The following NPLOC4 variants were observed in gnomAD, a reference collection of about 807,000 sequenced individuals.
NPLOC4 encodes nuclear protein localization protein 4 homolog.
A neutral mutation model predicts 80.6 loss-of-function variants in NPLOC4; 18 were observed. The observed-to-expected ratio is 0.22, with a 90% CI of 0.15 to 0.33. The LOEUF (loss-of-function observed/expected upper bound fraction) is 0.33, where lower values mean the gene tolerates loss of function less well. Ranked by LOEUF, NPLOC4 falls within the 10% of genes least tolerant of loss-of-function variation. The probability of loss-of-function intolerance (pLI) is 1.00; values close to 1 mark genes in which losing one functional copy is unlikely to be tolerated. For synonymous variants in NPLOC4, 313 were observed against 301.5 expected, an observed-to-expected ratio of 1.04 and a Z score of -0.39; for missense variants, 540 against 786.1, an observed-to-expected ratio of 0.69 and a Z score of 3.74.
rs1489161843 is a variant in NPLOC4, at chr17:81,606,733, G to A, written c.612C>T (p.Ile204=). The change falls in exon 7 of 17, where the codon ATC becomes ATT. Residue 204 remains isoleucine (I), a synonymous_variant. Coordinates refer to ENST00000331134, the MANE Select transcript of NPLOC4 (RefSeq NM_017921.4). ...TGGCGCTCGGCTGGCACTTAGTACAGATGCCATTCGGCCACGGGAGGTGCC... is the reference window on the plus strand; with the variant it reads ...TGGCGCTCGGCTGGCACTTAGTACAAATGCCATTCGGCCACGGGAGGTGCC... ...CEGHLPWPNG[I]CTKCQPSAIT... is the part of the protein sequence containing the mutation. The A allele has an allele frequency of 6.2e-7, 1 of 1,613,820 alleles. No individual in the cohort carries two copies. Among genetic ancestry groups the A allele is most frequent in the Admixed American group, 1.7e-5 (1 of 60,010 alleles).
chr17:81,574,698 C>T (rs1430008438), intron 12 of NPLOC4, among the ~76,000 whole-genome samples: 1 of 152,126 alleles, frequency 6.6e-6, no homozygotes, highest in African/African-American at 2.4e-5. Flanking sequence ...ATCCAGGGAT[C>T]GATGTCTTTG....
At position 81,588,937 on chromosome 17, in the gene NPLOC4, C is replaced by T. The variant is rs1298172171; in HGVS notation, c.1281+7G>A. On this transcript the variant is annotated splice_region_variant and intron_variant, in intron 12 of 16. Transcript: ENST00000331134. ...GTACAGAGTTCTTTTTCTTACCATA[C>T]TTTTACCTTATAAAACACATCAGGC... The T allele has an allele frequency of 2.5e-6, 4 of 1,610,078 alleles. No homozygotes were observed. Among genetic ancestry groups the T allele is most frequent in the East Asian group, 2.2e-5 (1 of 44,866 alleles).
intron 3 of NPLOC4, among the ~76,000 whole-genome samples, chr17:81,621,035 GAAAGGA>G (rs925076403): frequency 1.4e-5 from 2 of 143,510 alleles, no homozygotes; most frequent in African/African-American, 2.6e-5. Flanking sequence ...GAAAAGGAAA[GAAAGGA>G]AAAGGAAAAG....
chr17:81,620,862 T>TTGATTTTTTTTAAAATTTGATTTTTTTTA (rs1185990251), intron 3 of NPLOC4, among the ~76,000 whole-genome samples: 19 of 151,790 alleles, frequency 1.3e-4, no homozygotes, highest in Non-Finnish European at 2.6e-4. Flanking sequence ...TTTAAAAAAT[T>TTGATTTTTTTTAAAATTTGATTTTTTTTA]ACCAGCTAGA....
At chr17:81,565,425 C>T (rs1319591617) in intron 16 of NPLOC4, 80 bp downstream of exon 16, 4 of 1,211,342 alleles carry the variant, frequency 3.3e-6, no homozygotes, top group South Asian at 2.6e-5. Context: ...AGGGCACCAC[C>T]GGCAGTGGGG....
intron 12 of NPLOC4, among the ~76,000 whole-genome samples, chr17:81,583,151 C>T (rs182446836): frequency 1.3e-5 from 2 of 152,234 alleles, no homozygotes; most frequent in East Asian, 1.9e-4. Context: ...TTTCAGTGAG[C>T]GACTTGGAAA....
intron 12 of NPLOC4, among the ~76,000 whole-genome samples, chr17:81,585,668 G>GGC (rs1177886364): frequency 6.9e-6 from 1 of 145,294 alleles, no homozygotes; most frequent in African/African-American, 2.6e-5. Context: ...TTCTGGGGGG[G>GGC]GGGGGAAAGA....
intron 13 of NPLOC4, 36 bp downstream of exon 13, chr17:81,571,981 G>A (rs1424562489): frequency 1.3e-6 from 2 of 1,525,734 alleles, no homozygotes; most frequent in Admixed American, 3.7e-5. Context: ...CGCCCAATGG[G>A]TCCACCTGCC....
At chr17:81,636,829 G>C in intron 1 of NPLOC4, 87 bp downstream of exon 1, 1 of 1,284,474 alleles carries the variant, frequency 7.8e-7, no homozygotes, top group Non-Finnish European at 9.9e-7. Context: ...TCGCGGCGCC[G>C]GCAGGCCCGC....
rs2034048280 is a variant in NPLOC4 at position 81,567,649 on chromosome 17, CCCTCTG to C, written c.1450-122_1450-117del. 1.5e-6 allele frequency: 1 copy of C among 655,350 alleles called. No homozygotes were observed. Among genetic ancestry groups the C allele is most frequent in the Middle Eastern group, 2.6e-4 (1 of 3,916 alleles). 40.6% of individuals were successfully genotyped at this position (655,350 alleles called of 1,614,324 possible). ...ATACACTGAATGCTGAGACACCTCT[CCCTCTG>C]CCTCTGCAACCACGAACAGGGTCCA... On this transcript the variant is annotated intron_variant, in intron 14 of 16. Coordinates refer to ENST00000331134, the MANE Select transcript of NPLOC4 (RefSeq NM_017921.4). This position sits in a 1 kb window ranked among gnomAD's most constrained non-coding sequence, Gnocchi z 4.5.
At chr17:81,625,761 T>TA (rs1330786812) in intron 2 of NPLOC4, among the ~76,000 whole-genome samples, 11 of 146,148 alleles carry the variant, frequency 7.5e-5, no homozygotes, top group African/African-American at 2.8e-4. Context: ...AATGAATCAA[T>TA]AAAAATAACA....
intron 16 of NPLOC4, chr17:81,564,663 C>G (rs1449283967): frequency 6.6e-6 from 1 of 152,096 alleles, no homozygotes; most frequent in Non-Finnish European, 1.5e-5. Context: ...TGGCACATGC[C>G]TGTAGTCCCA....
At position 81,604,625 on chromosome 17, in the gene NPLOC4, A is replaced by G. The variant is rs1394128904; in HGVS notation, c.757T>C (p.Tyr253His). ...KTGNQHFGYL[Y>H]GRYTEHKDIP... ...TCTTTGTGCTCCGTGTACCGTCCGT[A>G]TAAGTACCCAAAATGCTGGTTCCCT... is the stretch of plus-strand genomic sequence containing the variant. Residue 253 changes from tyrosine to histidine, a missense_variant, in exon 8 of 17, where the codon TAC becomes CAC. Coordinates refer to ENST00000331134, the MANE Select transcript of NPLOC4 (RefSeq NM_017921.4). 6.2e-7 allele frequency: 1 copy of G among 1,613,798 alleles called. No individual in the cohort carries two copies. Among genetic ancestry groups the G allele is most frequent in the African/African-American group, 1.3e-5 (1 of 74,904 alleles).
intron 4 of NPLOC4, chr17:81,612,848 T>C (rs3935543): frequency 0.54 from 83,613 of 153,664 alleles, 23,909 homozygotes; most frequent in East Asian, 0.77. Context: ...CGCACACTAG[T>C]GTGGCAGGTC....
At chr17:81,618,221 T>C (rs1231626527) in intron 3 of NPLOC4, among the ~76,000 whole-genome samples, 10 of 150,410 alleles carry the variant, frequency 6.6e-5, no homozygotes, top group Non-Finnish European at 1.0e-4. Flanking sequence ...GGAGCGCCTC[T>C]TTCCGGCCGC....
At chr17:81,599,282 C>T (rs1179282065) in intron 9 of NPLOC4, among the ~76,000 whole-genome samples, 1 of 140,576 alleles carries the variant, frequency 7.1e-6, no homozygotes, top group Non-Finnish European at 1.5e-5. Flanking sequence ...GAGCAAGACT[C>T]CTCAAAAAAA....
Position 81,559,344 on chromosome 17 carries a change from G to C in NPLOC4, c.1742C>G (p.Ala581Gly). The change falls in exon 17 of 17, where the codon GCA becomes GGA. Residue 581 changes from alanine (A) to glycine (G), a missense_variant. Around this residue, in one of 6 missense-constraint regions of NPLOC4, gnomAD observed 87 missense variants for 70.3 expected, o/e 1.24. Transcript: ENST00000331134. ...AVGGSTHTAT[A>G]AMWACQHCTF... ...GCAGTGCTGACAGGCCCACATGGCT[G>C]CAGTGGCCGTGTGTGTGGAGCCCCC... The C allele has an allele frequency of 6.2e-7, 1 of 1,607,130 alleles. No homozygotes were observed. Among genetic ancestry groups the C allele is most frequent in the East Asian group, 2.2e-5 (1 of 44,674 alleles).
At chr17:81,613,690 G>A (rs1216281075) in intron 3 of NPLOC4, among the ~76,000 whole-genome samples, 196 bp from the exon 4 acceptor site, 1 of 152,116 alleles carries the variant, frequency 6.6e-6, no homozygotes, top group Non-Finnish European at 1.5e-5. Context: ...CAGTATGCAG[G>A]TTCTCTGTAA....
chr17:81,612,364 C>T (rs1169760227), intron 4 of NPLOC4, among the ~76,000 whole-genome samples: 4 of 152,144 alleles, frequency 2.6e-5, no homozygotes, highest in Non-Finnish European at 4.4e-5. Context: ...CACACACACA[C>T]GCTCTCAAAA....
Sources: allele counts gnomAD v4.1 joint callset (sites outside exome capture counted in the v4.1 genomes callset), GRCh38; gene constraint gnomAD v4.1.1; regional missense constraint gnomAD v4.1.1; non-coding constraint Gnocchi (gnomAD v3.1); transcripts MANE v1.5; gene names NCBI Gene and HGNC (gene_info 2026-07-23, HGNC 2026-07-21).